Variants in USP48 observed in about 807,000 individuals in gnomAD.
USP48 encodes the protein ubiquitin carboxyl-terminal hydrolase 48.
USP48 carries 43 observed loss-of-function variants against 150.7 expected under a neutral mutation model. The ratio of observed to expected loss-of-function variants is 0.29; its 90% CI spans 0.22 to 0.37. The LOEUF (loss-of-function observed/expected upper bound fraction) is 0.37. Ranked by LOEUF, USP48 falls within the 10% of genes least tolerant of loss-of-function variation. USP48 has a pLI of 1.00. For synonymous variants in USP48, 396 were observed against 425.9 expected (o/e 0.93, Z 0.86); for missense variants, 813 against 1,249.6 (o/e 0.65, Z 5.27).
chr1:21,697,074 T>C (rs2097635892), intron 22 of USP48, among the ~76,000 whole-genome samples: 1 of 152,194 alleles, frequency 6.6e-6, no homozygotes, highest in African/African-American at 2.4e-5. Context: ...GTCAGCCGTG[T>C]ATAAGCAAAG....
chr1:21,701,410 G>C lies in USP48; in HGVS notation c.2727+88C>G, dbSNP rs1571763098. 7 of 1,049,522 alleles carry C rather than the reference G, an allele frequency of 6.7e-6. No individual in the cohort carries two copies. The East Asian group carries it at 9.8e-5, about 15-fold the overall frequency. 65.0% of individuals were successfully genotyped at this position (1,049,522 alleles called of 1,614,324 possible). ...AAAAAAAGAACCAATATCCCATACA[G>C]GGTACAGAGACATGGCCAGGGGCTT... On this transcript the variant is annotated intron_variant, in intron 22 of 26. Transcript: ENST00000308271.
At chr1:21,701,014 G>A (rs1240589145) in intron 22 of USP48, among the ~76,000 whole-genome samples, 10 of 142,008 alleles carry the variant, frequency 7.0e-5, no homozygotes, top group African/African-American at 2.1e-4. Flanking sequence ...GCAGCGAGCC[G>A]AGATTGTGCC....
chr1:21,764,706 C>T (rs1287817099), intron 1 of USP48, among the ~76,000 whole-genome samples: 2 of 89,298 alleles, frequency 2.2e-5, no homozygotes, highest in South Asian at 3.6e-4. Context: ...AGTGGCACTC[C>T]GTCTCAAAAA....
intron 14 of USP48, among the ~76,000 whole-genome samples, chr1:21,717,439 TAAAA>T (rs142138832): frequency 9.6e-6 from 1 of 104,500 alleles, no homozygotes; most frequent in Non-Finnish European, 2.1e-5. Context: ...ACAAAACAAA[TAAAA>T]AAAAACCCAA....
Position 21,706,501 on chromosome 1 carries a change from T to G in USP48, c.2177A>C (p.Asp726Ala). ...GTTACTGAGACACGGTCTGTTTTTA[T>G]CCTGGAACAAATTTGGGAGAGAAGT... ...QKTSLPNLFQ[D>A]KNRPCLSNWP... Residue 726 changes from aspartate (D) to alanine (A), a missense_variant, in exon 17 of 27, where the codon GAT (aspartate) becomes GCT (alanine). Coordinates refer to ENST00000308271, the MANE Select transcript of USP48 (RefSeq NM_032236.8). 1.2e-6 allele frequency: 2 copies of G among 1,614,218 alleles called. No individual in the cohort carries two copies. Among genetic ancestry groups the G allele is most frequent in the South Asian group, 2.2e-5 (2 of 91,090 alleles).
At chr1:21,769,924 G>A in intron 1 of USP48, among the ~76,000 whole-genome samples, 1 of 152,054 alleles carries the variant, frequency 6.6e-6, no homozygotes, top group Non-Finnish European at 1.5e-5. Flanking sequence ...TATGCAGAAT[G>A]TTCACTGCAG....
intron 1 of USP48, among the ~76,000 whole-genome samples, chr1:21,774,950 C>T (rs2152650236): frequency 6.6e-6 from 1 of 151,768 alleles, no homozygotes; most frequent in Middle Eastern, 3.4e-3. Context: ...CAAATTCACG[C>T]ACTGCACTCC....
intron 25 of USP48, chr1:21,686,989 C>T (rs536218904): frequency 1.7e-6 from 1 of 581,310 alleles, no homozygotes; most frequent in African/African-American, 1.9e-5. Context: ...TTTCAGTTTC[C>T]TCAGGTTAGC....
intron 1 of USP48, among the ~76,000 whole-genome samples, chr1:21,774,558 G>C (rs574049225): frequency 1.3e-5 from 2 of 151,732 alleles, no homozygotes; most frequent in Non-Finnish European, 2.9e-5. Context: ...GTGGTGGGGC[G>C]CCCCTGTAGT....
intron 8 of USP48, among the ~76,000 whole-genome samples, chr1:21,742,851 A>G (rs1294288939): frequency 6.6e-6 from 1 of 152,172 alleles, no homozygotes; most frequent in African/African-American, 2.4e-5. Context: ...ATAATTCTCT[A>G]TGTGCAATAA....
chr1:21,716,888 C>A (rs1325387064), intron 14 of USP48, among the ~76,000 whole-genome samples: 1 of 152,034 alleles, frequency 6.6e-6, no homozygotes, highest in African/African-American at 2.4e-5. Context: ...ATTAGCCAGG[C>A]ATGGTGGCGG....
At chr1:21,766,676 T>C (rs75189931) in intron 1 of USP48, among the ~76,000 whole-genome samples, 11,598 of 152,214 alleles carry the variant, frequency 0.076, 502 homozygotes, top group Middle Eastern at 0.11. Context: ...TCATCACCTC[T>C]TAGTTTCTTA....
At chr1:21,723,686 A>AAAAAAC (rs1467474830) in intron 12 of USP48, among the ~76,000 whole-genome samples, 1 of 152,174 alleles carries the variant, frequency 6.6e-6, no homozygotes, top group Non-Finnish European at 1.5e-5. Context: ...AAACAAACCA[A>AAAAAAC]AAAAACAAAC....
Position 21,755,013 on chromosome 1 carries a change from T to C in USP48, c.412+1533A>G, listed in dbSNP as rs754602249. Among the ~76,000 whole-genome samples the C allele has an allele frequency of 5.0e-4, 76 of 152,330 alleles. 1 individual carries two copies. Among genetic ancestry groups the C allele is most frequent in the South Asian group, 6.2e-4 (3 of 4,828 alleles). On this transcript the variant is annotated intron_variant, in intron 3 of 26. Transcript: ENST00000308271. ...AGCCCCAGGGATACAGGTTGTTCCCTGTATCTGCTGTCCTTGTATTCTTTA... is the reference window on the plus strand; with the variant it reads ...AGCCCCAGGGATACAGGTTGTTCCCCGTATCTGCTGTCCTTGTATTCTTTA...
At chr1:21,736,242 A>G (rs936135898) in intron 9 of USP48, among the ~76,000 whole-genome samples, 1 of 152,208 alleles carries the variant, frequency 6.6e-6, no homozygotes, top group African/African-American at 2.4e-5. Context: ...ACTGCATTCC[A>G]GCCTGGGCAA....
At chr1:21,739,556 A>G (rs1275763350) in intron 8 of USP48, among the ~76,000 whole-genome samples, 1 of 145,422 alleles carries the variant, frequency 6.9e-6, no homozygotes, top group Non-Finnish European at 1.5e-5. Context: ...GACAAATAAT[A>G]TTTGCATATA....
At chr1:21,697,229 T>C (rs772050114) in intron 22 of USP48, among the ~76,000 whole-genome samples, 2 of 151,448 alleles carry the variant, frequency 1.3e-5, no homozygotes, top group African/African-American at 4.9e-5. Context: ...TGCCTGAGGA[T>C]AGTTTAGCTC....
chr1:21,687,166 A>G, intron 25 of USP48, 25 bp downstream of exon 25: 1 of 1,609,312 alleles, frequency 6.2e-7, no homozygotes, highest in African/African-American at 1.3e-5. Flanking sequence ...TAATCAGCAG[A>G]TTCCTAAAAC....
chr1:21,716,609 T>C (rs991330061), intron 14 of USP48, among the ~76,000 whole-genome samples: 1 of 152,236 alleles, frequency 6.6e-6, no homozygotes. Context: ...AAACTTTGCT[T>C]TTGCTGTTAA....
Sources: gnomAD v4.1 joint callset for allele counts (sites outside exome capture counted in the v4.1 genomes callset) on GRCh38, gnomAD v4.1.1 for gene constraint, MANE v1.5 for transcripts, NCBI Gene and HGNC (gene_info 2026-07-23, HGNC 2026-07-21) for gene names.